The following WDR3 variants were observed in gnomAD, a reference collection of about 807,000 sequenced individuals.
WDR3 encodes WD repeat domain 3, also known as WD repeat-containing protein 3.
Under a neutral mutation model 123.7 loss-of-function variants are expected in WDR3, and 81 were observed. The observed-to-expected ratio is 0.65, with a 90% CI of 0.55 to 0.79. The LOEUF (loss-of-function observed/expected upper bound fraction) is 0.79. WDR3 is among the 30% of genes least tolerant of loss of function. The probability of loss-of-function intolerance (pLI) is 0.00; values close to 1 mark genes in which losing one functional copy is unlikely to be tolerated. For synonymous variants in WDR3, 390 were observed against 388.8 expected (o/e 1.00, Z -0.04); for missense variants, 1,027 against 1,123.2 (o/e 0.91, Z 1.22).
intron 15 of WDR3, 117 bp downstream of exon 15, chr1:117,950,247 A>ATG: frequency 8.1e-7 from 1 of 1,230,234 alleles, no homozygotes; most frequent in East Asian, 2.4e-5. Context: ...ATTTCTAAAA[A>ATG]TGTGTGTGTG....
intron 23 of WDR3, 76 bp downstream of exon 23, chr1:117,954,703 T>TGTGGTTACCTCCAGAGTCTG: frequency 6.9e-7 from 1 of 1,450,346 alleles, no homozygotes. Flanking sequence ...AGTAGAGGCA[T>TGTGGTTACCTCCAGAGTCTG]TATGATTTGG....
intron 25 of WDR3, among the ~76,000 whole-genome samples, chr1:117,957,516 T>G (rs563580656): frequency 6.6e-6 from 1 of 152,244 alleles, no homozygotes; most frequent in Non-Finnish European, 1.5e-5. Context: ...AAGATAGCTC[T>G]GGTTCTAGTC....
chr1:117,945,999 CT>C, intron 11 of WDR3, 86 bp from the exon 12 acceptor site: 2 of 900,218 alleles, frequency 2.2e-6, no homozygotes, highest in Non-Finnish European at 1.7e-6. Context: ...GTTGATCTGT[CT>C]AAGTGCATTG....
At chr1:117,942,581 G>A (rs2101204770) in intron 10 of WDR3, 37 bp downstream of exon 10, 2 of 1,564,946 alleles carry the variant, frequency 1.3e-6, no homozygotes, top group African/African-American at 1.4e-5. Flanking sequence ...TATAGAAATA[G>A]TAAGCTACCA....
chr1:117,945,505 C>T (rs549036748), intron 11 of WDR3, among the ~76,000 whole-genome samples: 2 of 152,238 alleles, frequency 1.3e-5, no homozygotes, highest in East Asian at 3.9e-4. Flanking sequence ...TCCTCTTCTC[C>T]CAGCATTATG....
At chr1:117,953,128 G>T in intron 20 of WDR3, 132 bp downstream of exon 20, 1 of 1,095,078 alleles carries the variant, frequency 9.1e-7, no homozygotes, top group Non-Finnish European at 1.3e-6. Context: ...AGCTGATAAA[G>T]AATCTGTGTA....
Position 117,959,547 on chromosome 1 carries a change from C to G in WDR3, c.*100C>G. 7.9e-7 allele frequency: 1 copy of G among 1,262,228 alleles called. No homozygotes were observed. Among genetic ancestry groups the G allele is most frequent in the Non-Finnish European group, 1.1e-6 (1 of 946,400 alleles). 78.2% of individuals were successfully genotyped at this position (1,262,228 alleles called of 1,614,324 possible). A position where few individuals can be genotyped will look rare whatever the true frequency, so the allele number is the denominator to read the frequency against. On this transcript the variant is annotated 3_prime_UTR_variant, in exon 27 of 27. Coordinates refer to ENST00000349139, the MANE Select transcript of WDR3 (RefSeq NM_006784.3). ...GCGTCATCTTAAAAATACCAAATAA[C>G]AGAAGATCGCATTGCAGATGATATC...
At position 117,940,911 on chromosome 1, in the gene WDR3, G is replaced by A. The variant is rs778104541; in HGVS notation, c.760G>A (p.Ala254Thr). 3.1e-6 allele frequency: 5 copies of A among 1,613,808 alleles called. No homozygotes were observed. Among genetic ancestry groups the A allele is most frequent in the Middle Eastern group, 1.7e-4 (1 of 6,056 alleles). Residue 254 changes from alanine to threonine, a missense_variant, in exon 7 of 27, where the codon GCC (alanine) becomes ACC (threonine). Transcript: ENST00000349139. ...AGATACTCTTGAGGCAGAGGATGGTGCCTTTGAGACGGATGAAGCCCCTGA... is the reference window on the plus strand; with the variant it reads ...AGATACTCTTGAGGCAGAGGATGGTACCTTTGAGACGGATGAAGCCCCTGA... ...IQDTLEAEDG[A>T]FETDEAPEDR...
chr1:117,932,517 A>G (rs574660251), intron 1 of WDR3, among the ~76,000 whole-genome samples: 2 of 152,350 alleles, frequency 1.3e-5, no homozygotes, highest in Admixed American at 6.5e-5. Flanking sequence ...ACCACTGTAC[A>G]AGAAGGTAAG....
intron 13 of WDR3, among the ~76,000 whole-genome samples, chr1:117,949,016 G>A (rs564394969): frequency 6.6e-6 from 1 of 151,796 alleles, no homozygotes; most frequent in East Asian, 1.9e-4. Flanking sequence ...AGAAATTTTG[G>A]CCCATTTATT....
At chr1:117,947,395 T>C (rs1651448070) in intron 12 of WDR3, among the ~76,000 whole-genome samples, 1 of 152,222 alleles carries the variant, frequency 6.6e-6, no homozygotes, top group Non-Finnish European at 1.5e-5. Flanking sequence ...AATGGATATT[T>C]CTTGCTTCAA....
chr1:117,933,754 G>C (rs1355615271), intron 2 of WDR3: 1 of 448,072 alleles, frequency 2.2e-6, no homozygotes, highest in African/African-American at 2.0e-5. Flanking sequence ...ATTATTTGCA[G>C]TAATTATTTA....
In WDR3 at chr1:117,936,817, C is replaced by T. The variant is rs762504967; in HGVS notation, c.430C>T (p.Arg144Cys). The change falls in exon 4 of 27, where the codon CGT (arginine) becomes TGT (cysteine). Residue 144 changes from arginine to cysteine, a missense_variant. Coordinates refer to ENST00000349139, the MANE Select transcript of WDR3 (RefSeq NM_006784.3). The part of the protein sequence containing the change: ...WDVINESGLY[R>C]LKGHKDAITQ... ...TGTGATCAATGAAAGTGGTCTGTAC[C>T]GTCTAAAGGGGCACAAGGATGCCAT... 12 of 1,612,802 alleles carry T rather than the reference C, an allele frequency of 7.4e-6. No homozygotes were observed. Among genetic ancestry groups the T allele is most frequent in the African/African-American group, 1.3e-5 (1 of 74,856 alleles).
chr1:117,965,926 C>T lies in WDR3; in HGVS notation c.*6479C>T, dbSNP rs1653775651. ...CAAACACCTGGAGCTTTCCTGTTGC[C>T]ATGGTTTTGTTCATTATTTTTACTT... On this transcript the variant is annotated 3_prime_UTR_variant, in exon 27 of 27. Transcript: ENST00000349139. The T allele has an allele frequency of 6.6e-6, 1 of 152,174 alleles. No individual in the cohort carries two copies. The highest frequency in any genetic ancestry group is 1.5e-5 in the Non-Finnish European group (1 of 68,046). The allele number at this position is 152,174 out of a possible 1,614,324, so 9.4% of individuals were successfully genotyped here. A position where few individuals can be genotyped will look rare whatever the true frequency, so the allele number is the denominator to read the frequency against.
intron 5 of WDR3, 68 bp downstream of exon 5, chr1:117,938,626 T>C: frequency 2.1e-6 from 3 of 1,404,652 alleles, no homozygotes; most frequent in Non-Finnish European, 2.0e-6. Flanking sequence ...TGGTCTTCTC[T>C]TCCCCTTTCA....
At chr1:117,943,752 C>T (rs1306719815) in intron 11 of WDR3, 126 bp downstream of exon 11, 5 of 839,188 alleles carry the variant, frequency 6.0e-6, no homozygotes, top group African/African-American at 1.7e-5. Context: ...TGCATTTGGG[C>T]CATTAGCCTG....
chr1:117,950,203 A>G (rs1651559456), intron 15 of WDR3, 73 bp downstream of exon 15: 3 of 1,581,106 alleles, frequency 1.9e-6, no homozygotes, highest in Middle Eastern at 1.7e-4. Flanking sequence ...TGAGGCTATA[A>G]AGAAGTGGCC....
chr1:117,934,345 A>G, intron 2 of WDR3, 128 bp from the exon 3 acceptor site: 4 of 855,074 alleles, frequency 4.7e-6, no homozygotes, highest in Non-Finnish European at 7.1e-6. Flanking sequence ...GTGGAGTTTC[A>G]TTTTTATTCA....
At chr1:117,951,511 T>C (rs909820200) in intron 16 of WDR3, among the ~76,000 whole-genome samples, 5 of 127,012 alleles carry the variant, frequency 3.9e-5, no homozygotes, top group African/African-American at 1.7e-4. Flanking sequence ...TGTATTTCTT[T>C]TTTTTTTTTT....
Sources: gnomAD v4.1 joint callset for allele counts (sites outside exome capture counted in the v4.1 genomes callset) on GRCh38, gnomAD v4.1.1 for gene constraint, MANE v1.5 for transcripts, NCBI Gene and HGNC (gene_info 2026-07-23, HGNC 2026-07-21) for gene names.